The following ST14 variants were observed in gnomAD, a reference collection of about 807,000 sequenced individuals.
ST14 encodes suppressor of tumorigenicity 14 protein.
A neutral mutation model predicts 96.5 loss-of-function variants in ST14; 40 were observed. The observed-to-expected ratio is 0.41, with a 90% CI of 0.32 to 0.54. ST14 has a LOEUF of 0.54. ST14 is among the 20% of genes least tolerant of loss of function. The pLI is 0.17. For synonymous variants in ST14, 506 were observed against 492.1 expected, an observed-to-expected ratio of 1.03 and a Z score of -0.37; for missense variants, 1,066 against 1,188.9, an observed-to-expected ratio of 0.90 and a Z score of 1.52.
chr11:130,177,264 A>T (rs1953148156), intron 1 of ST14, among the ~76,000 whole-genome samples: 1 of 151,542 alleles, frequency 6.6e-6, no homozygotes, highest in African/African-American at 2.4e-5. Flanking sequence ...CTTTCAGCCG[A>T]GTTAAAAATT....
intron 7 of ST14, among the ~76,000 whole-genome samples, chr11:130,193,279 G>A (rs753603020): frequency 7.9e-5 from 12 of 151,984 alleles, no homozygotes; most frequent in African/African-American, 1.9e-4. Context: ...GAGATGAGGC[G>A]TTACCCAGGC....
chr11:130,207,314 G>A (rs1359184084), intron 16 of ST14, among the ~76,000 whole-genome samples: 2 of 152,210 alleles, frequency 1.3e-5, no homozygotes, highest in African/African-American at 4.8e-5. Flanking sequence ...ACTTTGGGAG[G>A]CCAAGGTGGG....
chr11:130,183,552 A>C (rs1443849914), intron 1 of ST14, among the ~76,000 whole-genome samples: 6 of 152,146 alleles, frequency 3.9e-5, no homozygotes, highest in African/African-American at 9.7e-5. Context: ...TAAAAAAAAA[A>C]AAAAAAAAAG....
rs1432277537 is a variant in ST14, at chr11:130,209,518, G to T, written c.2346G>T (p.Gln782His). Residue 782 changes from glutamine (Q) to histidine (H), a missense_variant, in exon 18 of 19, where the codon CAG becomes CAT. Physicochemically the swap from Gln to His is conservative, Grantham distance 24. Transcript: ENST00000278742. Reference sequence around the variant, plus strand: ...CCACCTGCGAGAACCTCCTGCCGCAGCAGATCACGCCGCGCATGATGTGCG... The same window carrying T: ...CCACCTGCGAGAACCTCCTGCCGCATCAGATCACGCCGCGCATGATGTGCG... ...NQTTCENLLPQQITPRMMCVG... is the reference protein window; with the variant it reads ...NQTTCENLLPHQITPRMMCVG... The T allele has an allele frequency of 6.3e-7, 1 of 1,582,100 alleles. No individual in the cohort carries two copies. The highest frequency in any genetic ancestry group is 8.6e-7 in the Non-Finnish European group (1 of 1,163,950).
intron 1 of ST14, among the ~76,000 whole-genome samples, chr11:130,167,261 T>G (rs936599574): frequency 6.6e-6 from 1 of 152,194 alleles, no homozygotes; most frequent in East Asian, 1.9e-4. Flanking sequence ...ACAAAGACAT[T>G]TTAACAATTT....
At chr11:130,189,527 T>A in intron 4 of ST14, 4 of 621,224 alleles carry the variant, frequency 6.4e-6, no homozygotes, top group Non-Finnish European at 1.1e-5. Flanking sequence ...ATCGGTCTGG[T>A]TGGGGATGAG....
At position 130,190,632 on chromosome 11, in the gene ST14, C is replaced by T. The variant is rs558533195; in HGVS notation, c.813C>T (p.Arg271=). 1.2e-5 allele frequency: 20 copies of T among 1,610,676 alleles called. No homozygotes were observed. Among genetic ancestry groups the T allele is most frequent in the Admixed American group, 5.0e-5 (3 of 59,734 alleles). The change falls in exon 7 of 19, where the codon CGC becomes CGT. Residue 271 remains arginine (R), a synonymous_variant. Coordinates refer to ENST00000278742, the MANE Select transcript of ST14 (RefSeq NM_021978.4). ...TTGACCTTGCGTCCTGCGACGAGCGCGGCAGCGACCTGGTGACGGTGTACA... is the reference window on the plus strand; with the variant it reads ...TTGACCTTGCGTCCTGCGACGAGCGTGGCAGCGACCTGGTGACGGTGTACA... ...RSFDLASCDE[R]GSDLVTVYNT...
intron 1 of ST14, among the ~76,000 whole-genome samples, chr11:130,173,016 G>A (rs1025637364): frequency 3.3e-5 from 5 of 152,302 alleles, no homozygotes; most frequent in African/African-American, 9.6e-5. Context: ...GTGCAGGGGA[G>A]GGTGTGGCGT....
intron 1 of ST14, among the ~76,000 whole-genome samples, chr11:130,177,255 T>C (rs1953148024): frequency 6.6e-6 from 1 of 152,016 alleles, no homozygotes; most frequent in African/African-American, 2.4e-5. Context: ...CTTCCTCTTC[T>C]TTCAGCCGAG....
intron 1 of ST14, among the ~76,000 whole-genome samples, chr11:130,164,814 C>G (rs1953028574): frequency 6.6e-6 from 1 of 151,550 alleles, no homozygotes; most frequent in Non-Finnish European, 1.5e-5. Context: ...CTCAGCTCAC[C>G]ACAACCTCCG....
chr11:130,188,701 G>T lies in ST14; in HGVS notation c.369+44G>T, dbSNP rs1162012963. The stretch of plus-strand genomic sequence containing the variant: ...GAGTCCTGCTGGGCTGTGTGCGCTG[G>T]TGTCCCACCTGCTGGGCAGGAGGGA... On this transcript the variant is annotated intron_variant, in intron 3 of 18. Transcript: ENST00000278742. The surrounding 1 kb of genome is among the most constrained non-coding windows in gnomAD (Gnocchi z 5.4). The T allele has an allele frequency of 1.2e-6, 2 of 1,613,938 alleles. No individual in the cohort carries two copies. Among genetic ancestry groups the T allele is most frequent in the Non-Finnish European group, 1.7e-6 (2 of 1,179,988 alleles).
rs532674426 is a variant in ST14 at position 130,176,678 on chromosome 11, G to A, written c.82-11436G>A. Among the ~76,000 whole-genome samples the A allele has an allele frequency of 1.2e-4, 18 of 151,430 alleles. 1 individual carries two copies. The South Asian group carries it at 3.8e-3, about 32-fold the overall frequency. ...GCTGGGATTACAGGCTTGAGCCACC[G>A]CACCCGACCTACTTTTCCTTAAAAT... On this transcript the variant is annotated intron_variant, in intron 1 of 18. Transcript: ENST00000278742.
Position 130,182,960 on chromosome 11 carries a change from C to CT in ST14, c.82-5141dup, listed in dbSNP as rs1257544567. Among the ~76,000 whole-genome samples the CT allele has an allele frequency of 8.7e-3, 1,169 of 134,142 alleles. 17 individuals carry two copies. The highest frequency in any genetic ancestry group is 0.027 in the African/African-American group (1,002 of 36,488). 88.0% of individuals were successfully genotyped at this position (134,142 alleles called of 152,430 possible). On this transcript the variant is annotated intron_variant, in intron 1 of 18. Transcript: ENST00000278742. ...CCACCGCGCCCAGCCACTTTTGTTACTTTTTTTTTTTTTGAAATGGAGTTT... is the reference window on the plus strand; with the variant it reads ...CCACCGCGCCCAGCCACTTTTGTTACTTTTTTTTTTTTTTGAAATGGAGTTT...
At position 130,210,083 on chromosome 11, in the gene ST14, T is replaced by C. The variant is rs888181036; in HGVS notation, c.*260T>C. 1 of 493,380 alleles carries C rather than the reference T, an allele frequency of 2.0e-6. No individual in the cohort carries two copies. The highest frequency in any genetic ancestry group is 2.5e-5 in the South Asian group (1 of 39,408). The allele number at this position is 493,380 out of a possible 1,614,324, so 30.6% of individuals were successfully genotyped here. ...GGGGCAAAGGTTTGAAGACACAGCCTCCCCCGCCAGCCCCAAGCTGGGCCG... is the reference window on the plus strand; with the variant it reads ...GGGGCAAAGGTTTGAAGACACAGCCCCCCCCGCCAGCCCCAAGCTGGGCCG... On this transcript the variant is annotated 3_prime_UTR_variant, in exon 19 of 19. Coordinates refer to ENST00000278742, the MANE Select transcript of ST14 (RefSeq NM_021978.4).
At chr11:130,206,562 CTTTTCTTTTTTT>C (rs1383694796) in intron 16 of ST14, among the ~76,000 whole-genome samples, 19 of 107,876 alleles carry the variant, frequency 1.8e-4, no homozygotes, top group Admixed American at 2.7e-4. Context: ...TTTCTCTTTT[CTTTTCTTTTTTT>C]TTTTCTTTTT....
At chr11:130,171,961 G>A (rs73585180) in intron 1 of ST14, among the ~76,000 whole-genome samples, 5,992 of 152,278 alleles carry the variant, frequency 0.039, 374 homozygotes, top group African/African-American at 0.14. Context: ...GCAGTCTGTC[G>A]GTTTCGTGGG....
Position 130,195,517 on chromosome 11 carries a change from C to T in ST14, c.1113+780C>T, listed in dbSNP as rs186453065. On this transcript the variant is annotated intron_variant, in intron 9 of 18. Coordinates refer to ENST00000278742, the MANE Select transcript of ST14 (RefSeq NM_021978.4). Reference sequence around the variant, plus strand: ...ACAAGAGAGTCGCCTGTCCGTGCCGCTCACGCCATCCCAGCCAGAGCTGCC... The same window carrying T: ...ACAAGAGAGTCGCCTGTCCGTGCCGTTCACGCCATCCCAGCCAGAGCTGCC... Among the ~76,000 whole-genome samples the T allele has an allele frequency of 5.2e-4, 79 of 152,304 alleles. 1 individual carries two copies. In the Middle Eastern group the frequency reaches 0.01, roughly 20 times the overall value.
At chr11:130,196,490 AG>A in intron 10 of ST14, 42 bp downstream of exon 10, 2 of 1,585,084 alleles carry the variant, frequency 1.3e-6, no homozygotes, top group Non-Finnish European at 8.6e-7. Context: ...CCCATGCTGC[AG>A]GGGGAGGGGT....
intron 1 of ST14, among the ~76,000 whole-genome samples, chr11:130,164,575 C>T (rs1174376890): frequency 2.0e-5 from 3 of 151,672 alleles, no homozygotes; most frequent in Admixed American, 1.3e-4. Flanking sequence ...GGCACCAGCA[C>T]GCCTGACTAA....
Sources: gnomAD v4.1 joint callset for allele counts (sites outside exome capture counted in the v4.1 genomes callset) on GRCh38, gnomAD v4.1.1 for gene constraint, Gnocchi (gnomAD v3.1) non-coding constraint, MANE v1.5 for transcripts, NCBI Gene and HGNC (gene_info 2026-07-23, HGNC 2026-07-21) for gene names.